The following AGAP1 variants were observed in gnomAD, a reference collection of about 807,000 sequenced individuals.
AGAP1 encodes arf-GAP with GTPase, ANK repeat and PH domain-containing protein 1.
AGAP1 carries 29 observed loss-of-function variants against 105.3 expected under a neutral mutation model. That is an observed-to-expected ratio of 0.28 (90% confidence interval 0.21 to 0.38). The LOEUF (loss-of-function observed/expected upper bound fraction) is 0.38. Among genes scored for constraint, AGAP1 ranks in the 10% least tolerant of loss-of-function variants. The probability of loss-of-function intolerance (pLI) is 1.00; values close to 1 mark genes in which losing one functional copy is unlikely to be tolerated. For missense variants in AGAP1, 998 were observed against 1,165.1 expected, an observed-to-expected ratio of 0.86 and a Z score of 2.09; for synonymous variants, 509 against 485.9, an observed-to-expected ratio of 1.05 and a Z score of -0.63.
chr2:235,636,831 T>C (rs555510667), intron 1 of AGAP1, among the ~76,000 whole-genome samples: 1 of 152,200 alleles, frequency 6.6e-6, no homozygotes. Flanking sequence ...TCATCTAATA[T>C]GATGGATGTC....
chr2:235,681,843 C>CTTTTTTTTT (rs56934868), intron 1 of AGAP1, among the ~76,000 whole-genome samples: 1 of 78,302 alleles, frequency 1.3e-5, no homozygotes, highest in Non-Finnish European at 2.4e-5. Flanking sequence ...ATTTAGTTTG[C>CTTTTTTTTT]TTTTTTTTTT....
At position 235,651,184 on chromosome 2, in the gene AGAP1, C is replaced by CAAAAAAAAAAAAAAAA. The variant is rs55990003; in HGVS notation, c.164-57977_164-57962dup. ...AGAGTGACAGAGTGAAACTCCATCTCAAAAAAAAAAAAAAAAAAAAAAAAA... is the reference window on the plus strand; with the variant it reads ...AGAGTGACAGAGTGAAACTCCATCTCAAAAAAAAAAAAAAAAAAAAAAAAAAAAAAAAAAAAAAAAA... On this transcript the variant is annotated intron_variant, in intron 1 of 17. Coordinates refer to ENST00000304032, the MANE Select transcript of AGAP1 (RefSeq NM_001037131.3). 1.3e-4 allele frequency among the ~76,000 whole-genome samples: 7 copies of CAAAAAAAAAAAAAAAA among 54,154 alleles called. 1 individual carries two copies. Among genetic ancestry groups the CAAAAAAAAAAAAAAAA allele is most frequent in the Non-Finnish European group, 1.8e-4 (5 of 27,100 alleles). The allele number at this position is 54,154 out of a possible 152,430, so 35.5% of individuals were successfully genotyped here.
chr2:235,504,620 C>A (rs1162091331), intron 1 of AGAP1, among the ~76,000 whole-genome samples: 1 of 152,076 alleles, frequency 6.6e-6, no homozygotes, highest in African/African-American at 2.4e-5. Context: ...GGCCTCATTT[C>A]TGTCGGGTGT....
In AGAP1 at chr2:236,076,146, G is replaced by A. The variant is rs2058630520; in HGVS notation, c.2114+26865G>A. Among the ~76,000 whole-genome samples the A allele has an allele frequency of 6.6e-6, 1 of 152,198 alleles. No individual in the cohort carries two copies. The highest frequency in any genetic ancestry group is 1.5e-5 in the Non-Finnish European group (1 of 68,040). Reference sequence around the variant, plus strand: ...CAGATTGGTTTCACAAGAGAATATTGTGGAGTTTTTTAAAGTCTTGAGGCG... The same window carrying A: ...CAGATTGGTTTCACAAGAGAATATTATGGAGTTTTTTAAAGTCTTGAGGCG... On this transcript the variant is annotated intron_variant, in intron 16 of 17. Coordinates refer to ENST00000304032, the MANE Select transcript of AGAP1 (RefSeq NM_001037131.3). The surrounding 1 kb of genome is among the most constrained non-coding windows in gnomAD (Gnocchi z 4.4).
rs746868019 is a variant in AGAP1 at position 235,577,881 on chromosome 2, A to T, written c.163+83032A>T. ...CTGATAGTTCGCCTTTGTACGGATGAAAAAAACCAAACACTGAGCCTGGTC... is the reference window on the plus strand; with the variant it reads ...CTGATAGTTCGCCTTTGTACGGATGTAAAAAACCAAACACTGAGCCTGGTC... On this transcript the variant is annotated intron_variant, in intron 1 of 17. Transcript: ENST00000304032. The surrounding 1 kb of genome is among the most constrained non-coding windows in gnomAD (Gnocchi z 4.5). Among the ~76,000 whole-genome samples the T allele has an allele frequency of 2.6e-5, 4 of 151,978 alleles. No individual in the cohort carries two copies. The highest frequency in any genetic ancestry group is 5.9e-5 in the Non-Finnish European group (4 of 67,996).
intron 9 of AGAP1, among the ~76,000 whole-genome samples, chr2:235,863,828 A>C (rs1019389563): frequency 2.0e-5 from 3 of 152,204 alleles, no homozygotes; most frequent in Admixed American, 6.5e-5. Context: ...CTAGGGGAAG[A>C]GTTAACTCGG....
At chr2:235,838,229 T>G (rs751303685) in intron 9 of AGAP1, among the ~76,000 whole-genome samples, 2 of 151,934 alleles carry the variant, frequency 1.3e-5, no homozygotes, top group African/African-American at 4.8e-5. Flanking sequence ...CAGGGTTACT[T>G]TACAAAGCTG....
At chr2:235,975,980 G>A (rs2054842703) in intron 13 of AGAP1, among the ~76,000 whole-genome samples, 1 of 152,040 alleles carries the variant, frequency 6.6e-6, no homozygotes, top group Non-Finnish European at 1.5e-5. Context: ...GTTCATTATA[G>A]CAAATGTGGA....
At chr2:236,117,008 T>C (rs1229068040) in intron 16 of AGAP1, among the ~76,000 whole-genome samples, 1 of 152,242 alleles carries the variant, frequency 6.6e-6, no homozygotes, top group East Asian at 1.9e-4. Context: ...TGTTGATTGA[T>C]GGCCATTGGG....
At chr2:235,774,197 G>C (rs1955680248) in intron 6 of AGAP1, 2 of 384,124 alleles carry the variant, frequency 5.2e-6, no homozygotes, top group Non-Finnish European at 1.0e-5. Flanking sequence ...CATTTCTTCT[G>C]TAAAGTATGG....
In AGAP1 at chr2:235,843,811, G is replaced by A. The variant is rs980449621; in HGVS notation, c.1050+36480G>A. 2.0e-5 allele frequency among the ~76,000 whole-genome samples: 3 copies of A among 152,120 alleles called. No individual in the cohort carries two copies. The highest frequency in any genetic ancestry group is 4.4e-5 in the Non-Finnish European group (3 of 68,028). ...AGCTGGGGTGCCAGTGGCCACCATCGGGAGTCACTGCCACATTTTCTTTTC... is the reference window on the plus strand; with the variant it reads ...AGCTGGGGTGCCAGTGGCCACCATCAGGAGTCACTGCCACATTTTCTTTTC... On this transcript the variant is annotated intron_variant, in intron 9 of 17. Transcript: ENST00000304032. This position sits in a 1 kb window ranked among gnomAD's most constrained non-coding sequence, Gnocchi z 5.9.
At chr2:235,743,060 G>C (rs1952682910) in intron 4 of AGAP1, among the ~76,000 whole-genome samples, 1 of 152,178 alleles carries the variant, frequency 6.6e-6, no homozygotes, top group African/African-American at 2.4e-5. Flanking sequence ...CTAGCTGTTT[G>C]GGAGGCTGAG....
intron 6 of AGAP1, among the ~76,000 whole-genome samples, chr2:235,794,291 C>A (rs1366867064): frequency 6.6e-6 from 1 of 152,144 alleles, no homozygotes; most frequent in Non-Finnish European, 1.5e-5. Context: ...CTGAGCATTA[C>A]TCTTGGGAGT....
Position 236,067,406 on chromosome 2 carries a change from G to A in AGAP1, c.2114+18125G>A, listed in dbSNP as rs113646724. Among the ~76,000 whole-genome samples the A allele has an allele frequency of 2.0e-3, 304 of 152,216 alleles. 1 individual carries two copies. Among genetic ancestry groups the A allele is most frequent in the African/African-American group, 6.9e-3 (287 of 41,534 alleles). On this transcript the variant is annotated intron_variant, in intron 16 of 17. Transcript: ENST00000304032. ...TTTTAAAGGAGAAAAACTTGTAAGAGTGAGACACTCTGAGCAAGTTCAGAA... is the reference window on the plus strand; with the variant it reads ...TTTTAAAGGAGAAAAACTTGTAAGAATGAGACACTCTGAGCAAGTTCAGAA...
intron 6 of AGAP1, among the ~76,000 whole-genome samples, chr2:235,779,088 A>G (rs1462834187): frequency 6.6e-6 from 1 of 152,264 alleles, no homozygotes; most frequent in African/African-American, 2.4e-5. Flanking sequence ...GAACCCAGGC[A>G]GTCAGCTTCG....
intron 13 of AGAP1, among the ~76,000 whole-genome samples, chr2:236,018,755 A>C (rs1208867668): frequency 6.6e-6 from 1 of 152,176 alleles, no homozygotes; most frequent in Non-Finnish European, 1.5e-5. Flanking sequence ...TACTGGCCTA[A>C]AGTCCCAATT....
intron 1 of AGAP1, among the ~76,000 whole-genome samples, chr2:235,674,869 A>T (rs1948640563): frequency 6.6e-6 from 1 of 151,906 alleles, no homozygotes; most frequent in East Asian, 2.0e-4. Flanking sequence ...TTGTGTTTTT[A>T]GTAGAGAGAG....
chr2:236,099,121 G>T (rs984344861), intron 16 of AGAP1, among the ~76,000 whole-genome samples: 1 of 151,858 alleles, frequency 6.6e-6, no homozygotes, highest in African/African-American at 2.4e-5. Context: ...GGACTTCCCA[G>T]TTATGTCAGG....
rs1432936220 is a variant in AGAP1, at chr2:235,737,394, C to T, written c.311-3569C>T. ...GGGAATGTAAACTGACTTTAGGATT[C>T]GAAGAGACCTTGCTGATGAGAGAAG... On this transcript the variant is annotated intron_variant, in intron 3 of 17. Coordinates refer to ENST00000304032, the MANE Select transcript of AGAP1 (RefSeq NM_001037131.3). The surrounding 1 kb of genome is among the most constrained non-coding windows in gnomAD (Gnocchi z 4.5). Among the ~76,000 whole-genome samples the T allele has an allele frequency of 5.9e-5, 9 of 152,132 alleles. No homozygotes were observed. The highest frequency in any genetic ancestry group is 4.6e-4 in the Admixed American group (7 of 15,284).
Sources: allele counts gnomAD v4.1 joint callset (sites outside exome capture counted in the v4.1 genomes callset), GRCh38; gene constraint gnomAD v4.1.1; non-coding constraint Gnocchi (gnomAD v3.1); transcripts MANE v1.5; gene names NCBI Gene and HGNC (gene_info 2026-07-23, HGNC 2026-07-21).